Variants in RSRC1 observed in about 807,000 individuals in gnomAD.
RSRC1 encodes serine/Arginine-related protein 53.
In RSRC1, 39 loss-of-function variants were observed where a neutral mutation model predicts 49.1. The observed-to-expected ratio is 0.79, with a 90% CI of 0.61 to 1.04. The LOEUF is 1.04. RSRC1 is among the 50% of genes least tolerant of loss of function. RSRC1 has a pLI of 0.00. For synonymous variants in RSRC1, 143 were observed against 130.8 expected (o/e 1.09, Z -0.63); for missense variants, 388 against 402.4 (o/e 0.96, Z 0.31).
At chr3:158,498,890 G>A (rs1344254926) in intron 7 of RSRC1, among the ~76,000 whole-genome samples, 1 of 152,072 alleles carries the variant, frequency 6.6e-6, no homozygotes, top group East Asian at 1.9e-4. Context: ...AAGTATTTGG[G>A]TTTATTTCCG....
At chr3:158,523,917 A>G (rs1021421096) in intron 7 of RSRC1, among the ~76,000 whole-genome samples, 2 of 152,040 alleles carry the variant, frequency 1.3e-5, no homozygotes, top group African/African-American at 4.8e-5. Context: ...TAACAAGAAA[A>G]TGCCTTGAGC....
At chr3:158,493,434 G>T (rs976127067) in intron 7 of RSRC1, among the ~76,000 whole-genome samples, 5 of 152,098 alleles carry the variant, frequency 3.3e-5, no homozygotes, top group African/African-American at 1.2e-4. Flanking sequence ...AATATTTTGT[G>T]CCTCATACCT....
intron 5 of RSRC1, among the ~76,000 whole-genome samples, chr3:158,300,753 TA>T (rs1417295645): frequency 6.6e-6 from 1 of 152,212 alleles, no homozygotes; most frequent in East Asian, 1.9e-4. Flanking sequence ...TCTTTGTTTT[TA>T]AAAAATTATT....
chr3:158,197,526 T>G (rs1290945396), intron 3 of RSRC1, among the ~76,000 whole-genome samples: 1 of 152,182 alleles, frequency 6.6e-6, no homozygotes, highest in Non-Finnish European at 1.5e-5. Context: ...TGTTAGTTAT[T>G]TCTTGCCTTC....
chr3:158,516,429 C>G (rs1740539499), intron 7 of RSRC1, among the ~76,000 whole-genome samples: 1 of 152,044 alleles, frequency 6.6e-6, no homozygotes, highest in Non-Finnish European at 1.5e-5. Context: ...GGTCAGGGAC[C>G]CACTTGAGGA....
chr3:158,427,978 G>A (rs975915168), intron 6 of RSRC1, among the ~76,000 whole-genome samples: 11 of 151,664 alleles, frequency 7.3e-5, no homozygotes, highest in Non-Finnish European at 4.4e-5. Flanking sequence ...GTATCAAAGA[G>A]TAGCAACTAT....
chr3:158,249,725 A>G (rs572971943), intron 4 of RSRC1, among the ~76,000 whole-genome samples: 1 of 151,984 alleles, frequency 6.6e-6, no homozygotes, highest in Non-Finnish European at 1.5e-5. Context: ...ATATTAATGG[A>G]GTACATGAGA....
Position 158,481,905 on chromosome 3 carries a change from T to C in RSRC1, c.652+20902T>C, listed in dbSNP as rs367609055. ...AAAGAGCAGAAACCATTTCTGTATGTAGACTTTGGTTTGCCCAGCACCTAG... is the reference window on the plus strand; with the variant it reads ...AAAGAGCAGAAACCATTTCTGTATGCAGACTTTGGTTTGCCCAGCACCTAG... On this transcript the variant is annotated intron_variant, in intron 7 of 9. Transcript: ENST00000611884. Among the ~76,000 whole-genome samples, 160 of 152,160 alleles carry C rather than the reference T, an allele frequency of 1.1e-3. 8 individuals carry two copies. The South Asian group carries it at 0.032, about 31-fold the overall frequency.
intron 4 of RSRC1, among the ~76,000 whole-genome samples, chr3:158,233,018 G>T (rs974439790): frequency 1.1e-5 from 1 of 92,390 alleles, no homozygotes; most frequent in Admixed American, 1.1e-4. Context: ...GTTACTGAAT[G>T]AATAATTAAA....
intron 6 of RSRC1, among the ~76,000 whole-genome samples, chr3:158,410,973 T>C (rs2108321456): frequency 6.6e-6 from 1 of 152,212 alleles, no homozygotes. Flanking sequence ...GTTGAGCACT[T>C]TCTTGCTTTT....
chr3:158,303,050 A>G (rs1440869950), intron 5 of RSRC1: 1 of 152,174 alleles, frequency 6.6e-6, no homozygotes, highest in Non-Finnish European at 1.5e-5. Context: ...AATGGGGATT[A>G]AAATGTTTAC....
chr3:158,166,161 T>C (rs1718518336), intron 3 of RSRC1, among the ~76,000 whole-genome samples: 1 of 152,200 alleles, frequency 6.6e-6, no homozygotes, highest in Admixed American at 6.6e-5. Context: ...CTGGGTAATG[T>C]CTACATTTAC....
At chr3:158,119,450 CAA>C (rs1321067722) in intron 1 of RSRC1, among the ~76,000 whole-genome samples, 1 of 151,978 alleles carries the variant, frequency 6.6e-6, no homozygotes, top group Non-Finnish European at 1.5e-5. Context: ...TTTTTTAAAA[CAA>C]GATAGCAAGA....
At chr3:158,283,879 TTC>T (rs1304831362) in intron 4 of RSRC1, among the ~76,000 whole-genome samples, 1 of 28,218 alleles carries the variant, frequency 3.5e-5, no homozygotes, top group African/African-American at 1.0e-4. Context: ...ATCATTTGTT[TTC>T]TTTTTTTTTT....
intron 7 of RSRC1, among the ~76,000 whole-genome samples, chr3:158,532,937 A>AT (rs1712486179): frequency 6.6e-6 from 1 of 151,794 alleles, no homozygotes; most frequent in Admixed American, 6.6e-5. Flanking sequence ...ACCATAACTC[A>AT]TTTTAAATCA....
At chr3:158,481,341 C>T (rs536469793) in intron 7 of RSRC1, among the ~76,000 whole-genome samples, 1 of 152,212 alleles carries the variant, frequency 6.6e-6, no homozygotes, top group Non-Finnish European at 1.5e-5. Flanking sequence ...CATAGCTAAA[C>T]CCTAACCACA....
At chr3:158,523,361 G>T (rs1403728060) in intron 7 of RSRC1, among the ~76,000 whole-genome samples, 2 of 152,004 alleles carry the variant, frequency 1.3e-5, no homozygotes. Context: ...AGAAAAGTTA[G>T]ATGTCTATAC....
At chr3:158,450,501 A>G (rs538876578) in intron 6 of RSRC1, among the ~76,000 whole-genome samples, 2 of 151,978 alleles carry the variant, frequency 1.3e-5, no homozygotes, top group South Asian at 4.1e-4. Flanking sequence ...AAACATTTTT[A>G]CCTGTACATT....
intron 7 of RSRC1, among the ~76,000 whole-genome samples, chr3:158,507,399 C>T (rs1739909144): frequency 6.6e-6 from 1 of 152,024 alleles, no homozygotes; most frequent in African/African-American, 2.4e-5. Context: ...ATGTTCCCAA[C>T]ACAAAGAAAA....
Sources: allele counts gnomAD v4.1 joint callset (sites outside exome capture counted in the v4.1 genomes callset), GRCh38; gene constraint gnomAD v4.1.1; transcripts MANE v1.5; gene names NCBI Gene and HGNC (gene_info 2026-07-23, HGNC 2026-07-21).